SLC39A10: variants seen among roughly 807,000 people sequenced by gnomAD.
The protein encoded by SLC39A10 is solute carrier family 39 member 10, also known as zinc transporter ZIP10.
SLC39A10 carries 13 observed loss-of-function variants against 65.1 expected under a neutral mutation model. The observed-to-expected ratio is 0.20, with a 90% CI of 0.13 to 0.32. SLC39A10 has a LOEUF of 0.32. SLC39A10 is among the 10% of genes least tolerant of loss of function. The pLI, the probability that SLC39A10 is intolerant of heterozygous loss-of-function variation, is 1.00. For synonymous variants in SLC39A10, 321 were observed against 342.2 expected (o/e 0.94, Z 0.68); for missense variants, 831 against 1,018.4 (o/e 0.82, Z 2.50).
chr2:195,656,151 G>A (rs1689139394), upstream of SLC39A10, among the ~76,000 whole-genome samples: 1 of 152,180 alleles, frequency 6.6e-6, no homozygotes, highest in Non-Finnish European at 1.5e-5. Context: ...GGCACCCCCA[G>A]AACTCGCTGT....
In SLC39A10 at chr2:195,737,337, G is replaced by C. The variant is rs1692669777; in HGVS notation, c.*2296G>C. ...ACGTTACTTGTACAATGCTGTCACT[G>C]TGTGACATCCATATGAATTTTGGTA... is the stretch of plus-strand genomic sequence containing the variant. On this transcript the variant is annotated 3_prime_UTR_variant, in exon 10 of 10. Coordinates refer to ENST00000359634, the MANE Select transcript of SLC39A10 (RefSeq NM_020342.3). 2.6e-5 allele frequency: 4 copies of C among 153,348 alleles called. 1 individual carries two copies. The South Asian group carries it at 8.3e-4, about 32-fold the overall frequency. The allele number at this position is 153,348 out of a possible 1,614,324, so 9.5% of individuals were successfully genotyped here. A position where few individuals can be genotyped will look rare whatever the true frequency, so the allele number is the denominator to read the frequency against.
At chr2:195,616,048 TGGGTGCAAGCGATTC>T (rs1688200471) in intron 2 of SLC39A10, among the ~76,000 whole-genome samples, 2 of 152,104 alleles carry the variant, frequency 1.3e-5, no homozygotes. Flanking sequence ...CTCCACGGCC[TGGGTGCAAGCGATTC>T]TCCTGCCTCA....
chr2:195,729,961 A>ATTTTTTTTT lies in SLC39A10; in HGVS notation c.2337+1628_2337+1636dup, dbSNP rs58936616. On this transcript the variant is annotated intron_variant, in intron 9 of 9. Coordinates refer to ENST00000359634, the MANE Select transcript of SLC39A10 (RefSeq NM_020342.3). ...CCATGGGTGCACACCACCATGCCTA[A>ATTTTTTTTT]TTTTTTTTTTTTTTTTTTTTTTTTG... Among the ~76,000 whole-genome samples, 30 of 92,136 alleles carry ATTTTTTTTT rather than the reference A, an allele frequency of 3.3e-4. 2 individuals carry two copies. Among genetic ancestry groups the ATTTTTTTTT allele is most frequent in the South Asian group, 8.3e-4 (2 of 2,416 alleles). The allele number at this position is 92,136 out of a possible 152,430, so 60.4% of individuals were successfully genotyped here. A position where few individuals can be genotyped will look rare whatever the true frequency, so the allele number is the denominator to read the frequency against.
chr2:195,622,994 A>G (rs995144755), intron 2 of SLC39A10, among the ~76,000 whole-genome samples: 1 of 150,782 alleles, frequency 6.6e-6, no homozygotes, highest in Non-Finnish European at 1.5e-5. Context: ...AAAAAAAAAA[A>G]GAACCAAGTT....
chr2:195,714,133 G>A (rs1256081205), intron 6 of SLC39A10, among the ~76,000 whole-genome samples: 4 of 152,054 alleles, frequency 2.6e-5, no homozygotes, highest in Middle Eastern at 3.4e-3. Flanking sequence ...GGGTTTCACC[G>A]TGTCAGCCAG....
chr2:195,662,725 G>C, intron 1 of SLC39A10, among the ~76,000 whole-genome samples: 1 of 152,044 alleles, frequency 6.6e-6, no homozygotes, highest in African/African-American at 2.4e-5. Flanking sequence ...CTGCTGGATT[G>C]GCACTTTAAA....
Position 195,735,155 on chromosome 2 carries a change from A to G in SLC39A10, c.*114A>G. ...AAGTCAGTGGCTTGCACTACTTACA[A>G]GTTTCATAGATTTGAGCCTAACCAC... On this transcript the variant is annotated 3_prime_UTR_variant, in exon 10 of 10. Transcript: ENST00000359634. 5 of 1,125,902 alleles carry G rather than the reference A, an allele frequency of 4.4e-6. No homozygotes were observed. The highest frequency in any genetic ancestry group is 1.8e-5 in the South Asian group (1 of 55,886). The allele number at this position is 1,125,902 out of a possible 1,614,324, so 69.7% of individuals were successfully genotyped here.
rs1275727213 is a variant in SLC39A10 at position 195,736,796 on chromosome 2, C to CTCA, written c.*1758_*1760dup. ...CATTGGGCACTGAATTAGGACAGTC[C>CTCA]TCATCTCATTGCTTGGCCCTTCAAG... On this transcript the variant is annotated 3_prime_UTR_variant, in exon 10 of 10. Coordinates refer to ENST00000359634, the MANE Select transcript of SLC39A10 (RefSeq NM_020342.3). The CTCA allele has an allele frequency of 6.6e-6, 1 of 152,526 alleles. No individual in the cohort carries two copies. The highest frequency in any genetic ancestry group is 2.4e-5 in the African/African-American group (1 of 41,420). The allele number at this position is 152,526 out of a possible 1,614,324, so 9.4% of individuals were successfully genotyped here.
chr2:195,646,621 C>A (rs1457940514), intron 2 of SLC39A10, among the ~76,000 whole-genome samples: 1 of 148,940 alleles, frequency 6.7e-6, no homozygotes, highest in Non-Finnish European at 1.5e-5. Flanking sequence ...ACCCCCCACC[C>A]ACCTCCCCCC....
At chr2:195,700,714 T>C (rs1052478061) in intron 3 of SLC39A10, among the ~76,000 whole-genome samples, 1 of 152,354 alleles carries the variant, frequency 6.6e-6, no homozygotes, top group South Asian at 2.1e-4. Context: ...ATTTTGTTTT[T>C]TCATTTAGGA....
chr2:195,648,450 G>A lies in SLC39A10; in HGVS notation c.-11-31582G>A, dbSNP rs115790412. 8.7e-3 allele frequency among the ~76,000 whole-genome samples: 1,320 copies of A among 152,052 alleles called. 19 individuals are homozygous for A. The highest frequency in any genetic ancestry group is 0.031 in the African/African-American group (1,276 of 41,512). On this transcript the variant is annotated intron_variant, in intron 2 of 2. Coordinates refer to the SLC39A10 transcript ENST00000458054. ...TCCAACACTTTGGGAGATGGAGGTCGGCCAATTGCTTGAGCCCAGGAGTTC... is the reference window on the plus strand; with the variant it reads ...TCCAACACTTTGGGAGATGGAGGTCAGCCAATTGCTTGAGCCCAGGAGTTC...
intron 2 of SLC39A10, among the ~76,000 whole-genome samples, chr2:195,644,835 A>G (rs899775719): frequency 5.9e-5 from 9 of 151,442 alleles, no homozygotes; most frequent in African/African-American, 2.2e-4. Flanking sequence ...AGAAAATCAC[A>G]TTTGTATTAT....
At position 195,716,680 on chromosome 2, in the gene SLC39A10, T is replaced by C. The variant is rs201178209; in HGVS notation, c.1740T>C (p.Thr580=). ...SVVSEDRLNE[T]ELTDLEGQQE... ...TTTCTGAAGATCGACTTAATGAAAC[T>C]GAACTGACAGATTTAGAAGGCCAAC... Residue 580 remains threonine (T), a synonymous_variant, in exon 7 of 10, where the codon ACT becomes ACC. Transcript: ENST00000359634. The C allele has an allele frequency of 4.3e-6, 7 of 1,613,072 alleles. No homozygotes were observed. In the Admixed American group the frequency reaches 8.3e-5, roughly 19 times the overall value.
intron 4 of SLC39A10, among the ~76,000 whole-genome samples, chr2:195,707,356 G>T (rs1691443913): frequency 6.6e-6 from 1 of 152,122 alleles, no homozygotes; most frequent in African/African-American, 2.4e-5. Context: ...AGTTAGTTAG[G>T]TAGATAGCTG....
rs148143190 is a variant in SLC39A10, at chr2:195,683,745, A to G, written c.1055A>G (p.Asn352Ser). 2.0e-5 allele frequency: 33 copies of G among 1,612,950 alleles called. No individual in the cohort carries two copies. In the African/African-American group the frequency reaches 2.9e-4, roughly 14 times the overall value. ...QLLKYYGHGA[N>S]SPISTDLFTY... ...TTAAAATACTATGGTCATGGTGCCA[A>G]CTCTCCCATCTCAACTGATTTATTT... is the stretch of plus-strand genomic sequence containing the variant. Residue 352 changes from asparagine to serine, a missense_variant, in exon 3 of 10, where the codon AAC (asparagine) becomes AGC (serine). Physicochemically the swap from Asn to Ser is conservative, Grantham distance 46 (BLOSUM62 1). Transcript: ENST00000359634.
At chr2:195,694,309 C>A (rs1690853621) in intron 3 of SLC39A10, among the ~76,000 whole-genome samples, 1 of 151,736 alleles carries the variant, frequency 6.6e-6, no homozygotes, top group Non-Finnish European at 1.5e-5. Context: ...AATATCTGTT[C>A]CGTTCATTTG....
chr2:195,704,614 A>G (rs185172667), intron 3 of SLC39A10, among the ~76,000 whole-genome samples: 21 of 152,280 alleles, frequency 1.4e-4, no homozygotes, highest in Admixed American at 7.8e-4. Context: ...TCCTGTCTAT[A>G]AACGGGACAA....
chr2:195,737,244 T>C lies in SLC39A10; in HGVS notation c.*2203T>C, dbSNP rs1052089011. ...TAGACAATCTGAATTCCACTACATT[T>C]CTTTTGGCTCCAACATTCCTTTTAG... On this transcript the variant is annotated 3_prime_UTR_variant, in exon 10 of 10. Transcript: ENST00000359634. The C allele has an allele frequency of 1.3e-5, 2 of 152,706 alleles. No homozygotes were observed. The highest frequency in any genetic ancestry group is 4.8e-5 in the African/African-American group (2 of 41,464). 9.5% of individuals were successfully genotyped at this position (152,706 alleles called of 1,614,324 possible).
At chr2:195,727,206 G>T (rs1692274629) in intron 8 of SLC39A10, among the ~76,000 whole-genome samples, 1 of 152,000 alleles carries the variant, frequency 6.6e-6, no homozygotes, top group African/African-American at 2.4e-5. Context: ...GGAGGGGGTG[G>T]CGGGAGGAGA....
Sources: allele counts gnomAD v4.1 joint callset (sites outside exome capture counted in the v4.1 genomes callset), GRCh38; gene constraint gnomAD v4.1.1; transcripts MANE v1.5; gene names NCBI Gene and HGNC (gene_info 2026-07-23, HGNC 2026-07-21).